ARHGAP15: variants seen among roughly 807,000 people sequenced by gnomAD.
ARHGAP15 encodes rho GTPase-activating protein 15.
Under a neutral mutation model 63.7 loss-of-function variants are expected in ARHGAP15, and 51 were observed. That is an observed-to-expected ratio of 0.80 (90% CI 0.64 to 1.01). The LOEUF (loss-of-function observed/expected upper bound fraction) is 1.01. Ranked by LOEUF, ARHGAP15 falls within the 50% of genes least tolerant of loss-of-function variation. The pLI is 0.00. For synonymous variants in ARHGAP15, 191 were observed against 193.8 expected (o/e 0.99, Z 0.12); for missense variants, 560 against 564.6 (o/e 0.99, Z 0.08).
chr2:143,492,989 C>T (rs549787736), intron 9 of ARHGAP15, among the ~76,000 whole-genome samples: 44 of 151,052 alleles, frequency 2.9e-4, no homozygotes, highest in African/African-American at 9.7e-4. Flanking sequence ...ACCCCTGAGG[C>T]GGAGCTTGCA....
At position 143,294,943 on chromosome 2, in the gene ARHGAP15, T is replaced by C. The variant is rs752243767; in HGVS notation, c.474+44343T>C. ...TAACAAAATAATAGCCAGTGTTTAT[T>C]GAGCATTCGATATGTCTTGGGCATT... is the stretch of plus-strand genomic sequence containing the variant. On this transcript the variant is annotated intron_variant, in intron 6 of 13. Transcript: ENST00000295095. Among the ~76,000 whole-genome samples the C allele has an allele frequency of 2.1e-4, 32 of 152,236 alleles. No homozygotes were observed. In the South Asian group the frequency reaches 3.1e-3, roughly 15 times the overall value.
At chr2:143,721,047 G>T in intron 13 of ARHGAP15, among the ~76,000 whole-genome samples, 1 of 105,186 alleles carries the variant, frequency 9.5e-6, no homozygotes, top group East Asian at 3.0e-4. Flanking sequence ...GGGCGACAGA[G>T]CAAGACTCCG....
At chr2:143,390,268 C>T (rs145417874) in intron 6 of ARHGAP15, among the ~76,000 whole-genome samples, 17 of 152,216 alleles carry the variant, frequency 1.1e-4, no homozygotes, top group Non-Finnish European at 2.4e-4. Flanking sequence ...CAGATTAATG[C>T]GAAGACCCTG....
intron 13 of ARHGAP15, among the ~76,000 whole-genome samples, chr2:143,715,290 T>C (rs1243478961): frequency 6.6e-6 from 1 of 152,192 alleles, no homozygotes; most frequent in African/African-American, 2.4e-5. Context: ...GCCCCTGTGA[T>C]TCAATTACCT....
intron 11 of ARHGAP15, among the ~76,000 whole-genome samples, chr2:143,574,028 A>C (rs1696568004): frequency 6.6e-6 from 1 of 152,194 alleles, no homozygotes; most frequent in African/African-American, 2.4e-5. Context: ...TGGAGGTTCT[A>C]ACCAAGGATG....
At chr2:143,418,601 G>A (rs1453158741) in intron 6 of ARHGAP15, among the ~76,000 whole-genome samples, 1 of 152,052 alleles carries the variant, frequency 6.6e-6, no homozygotes, top group Non-Finnish European at 1.5e-5. Context: ...AAGATTTAGG[G>A]TCCTTCAGAT....
intron 6 of ARHGAP15, among the ~76,000 whole-genome samples, chr2:143,376,446 G>A (rs1399903432): frequency 6.6e-6 from 1 of 152,134 alleles, no homozygotes; most frequent in African/African-American, 2.4e-5. Flanking sequence ...CTTGCGTAAG[G>A]TTGGTGTAGA....
chr2:143,753,829 A>T (rs1686472573), intron 13 of ARHGAP15, among the ~76,000 whole-genome samples: 1 of 152,220 alleles, frequency 6.6e-6, no homozygotes, highest in African/African-American at 2.4e-5. Flanking sequence ...AATTAGGTAC[A>T]TGTTTGGAAA....
At chr2:143,165,596 A>G (rs16858697) in intron 2 of ARHGAP15, among the ~76,000 whole-genome samples, 1,770 of 152,216 alleles carry the variant, frequency 0.012, 43 homozygotes, top group African/African-American at 0.04. Context: ...AAGAGCTGAT[A>G]TTCTGTACTT....
At chr2:143,653,918 A>G (rs1019281013) in intron 12 of ARHGAP15, among the ~76,000 whole-genome samples, 1 of 152,186 alleles carries the variant, frequency 6.6e-6, no homozygotes, top group Non-Finnish European at 1.5e-5. Context: ...AAGTTTTTCT[A>G]CTATTAAGTT....
chr2:143,365,971 C>T (rs1045447938), intron 6 of ARHGAP15, among the ~76,000 whole-genome samples: 1 of 152,142 alleles, frequency 6.6e-6, no homozygotes, highest in Non-Finnish European at 1.5e-5. Flanking sequence ...AATTTTTACT[C>T]TTATTTTTAT....
intron 10 of ARHGAP15, among the ~76,000 whole-genome samples, chr2:143,553,344 G>A (rs183797659): frequency 2.6e-5 from 4 of 152,300 alleles, no homozygotes; most frequent in East Asian, 3.9e-4. Context: ...AGCCGCTAAT[G>A]TCAGAGATCA....
At chr2:143,556,614 A>T (rs1695810945) in intron 11 of ARHGAP15, 129 bp downstream of exon 11, 1 of 642,148 alleles carries the variant, frequency 1.6e-6, no homozygotes, top group East Asian at 2.9e-5. Flanking sequence ...GAAGAAATTT[A>T]AAAATTATCA....
At chr2:143,627,821 T>TG (rs1698896535) in intron 12 of ARHGAP15, among the ~76,000 whole-genome samples, 1 of 152,064 alleles carries the variant, frequency 6.6e-6, no homozygotes, top group South Asian at 2.1e-4. Context: ...GCTGTTTTTG[T>TG]GGGGTTTTTT....
chr2:143,507,077 T>G (rs1354260924), intron 9 of ARHGAP15, among the ~76,000 whole-genome samples: 3 of 152,178 alleles, frequency 2.0e-5, no homozygotes, highest in Non-Finnish European at 4.4e-5. Flanking sequence ...GCATTCATCT[T>G]TTCCTACCGT....
At chr2:143,398,526 A>C (rs1486672841) in intron 6 of ARHGAP15, among the ~76,000 whole-genome samples, 1 of 152,000 alleles carries the variant, frequency 6.6e-6, no homozygotes, top group Non-Finnish European at 1.5e-5. Flanking sequence ...TAAACGACCA[A>C]CTCTGATCAT....
chr2:143,546,682 T>A (rs577826721), intron 10 of ARHGAP15, among the ~76,000 whole-genome samples: 89 of 152,236 alleles, frequency 5.8e-4, no homozygotes, highest in Admixed American at 9.2e-4. Context: ...CTATTTGTTT[T>A]AATGAAACAC....
rs547098592 is a variant in ARHGAP15, at chr2:143,396,176, G to C, written c.475-39425G>C. Among the ~76,000 whole-genome samples the C allele has an allele frequency of 7.2e-5, 11 of 152,186 alleles. No homozygotes were observed. In the East Asian group the frequency reaches 1.9e-3, roughly 27 times the overall value. On this transcript the variant is annotated intron_variant, in intron 6 of 13. Coordinates refer to ENST00000295095, the MANE Select transcript of ARHGAP15 (RefSeq NM_018460.4). ...TGTTCTCATCAAAAACGAGGTAAAA[G>C]GATTCTGTGTTTTTAGTTTTTTTTC...
In ARHGAP15 at chr2:143,564,565, G is replaced by A. The variant is rs1417055643; in HGVS notation, c.1003+8080G>A. 2.0e-5 allele frequency among the ~76,000 whole-genome samples: 3 copies of A among 152,138 alleles called. No homozygotes were observed. In the East Asian group the frequency reaches 5.8e-4, roughly 29 times the overall value. ...GAAACTCCCTGCACAATGGAAGCTA[G>A]TTTTATTCTGGCTCTCTGGTGGAGA... On this transcript the variant is annotated intron_variant, in intron 11 of 13. Transcript: ENST00000295095.
Sources: allele counts gnomAD v4.1 joint callset (sites outside exome capture counted in the v4.1 genomes callset), GRCh38; gene constraint gnomAD v4.1.1; transcripts MANE v1.5; gene names NCBI Gene and HGNC (gene_info 2026-07-23, HGNC 2026-07-21).